The following SMAD1 variants were observed in gnomAD, a reference collection of about 807,000 sequenced individuals.
SMAD1 encodes SMAD family member 1, also known as MAD, mothers against decapentaplegic homolog 1.
Under a neutral mutation model 41.6 loss-of-function variants are expected in SMAD1, and 6 were observed. The observed-to-expected ratio is 0.14, with a 90% CI of 0.08 to 0.28. The LOEUF (loss-of-function observed/expected upper bound fraction) is 0.28, where lower values mean the gene tolerates loss of function less well. Ranked by LOEUF, SMAD1 falls within the 10% of genes least tolerant of loss-of-function variation. The probability of loss-of-function intolerance (pLI) is 1.00; values close to 1 mark genes in which losing one functional copy is unlikely to be tolerated. For synonymous variants in SMAD1, 206 were observed against 203.2 expected (o/e 1.01, Z -0.12); for missense variants, 379 against 582.6 (o/e 0.65, Z 3.60).
intron 2 of SMAD1, among the ~76,000 whole-genome samples, chr4:145,535,154 T>C (rs1031994583): frequency 3.9e-5 from 6 of 152,112 alleles, no homozygotes; most frequent in African/African-American, 1.2e-4. Context: ...TGCACCAAAA[T>C]GTCATTTGTC....
At chr4:145,544,993 T>A (rs886083881) in intron 4 of SMAD1, 2 of 152,164 alleles carry the variant, frequency 1.3e-5, no homozygotes, top group African/African-American at 4.8e-5. Context: ...TCCTTTATAG[T>A]TTATAGTCAG....
At chr4:145,506,276 AT>A (rs1729773786) in intron 1 of SMAD1, among the ~76,000 whole-genome samples, 1 of 152,166 alleles carries the variant, frequency 6.6e-6, no homozygotes, top group Non-Finnish European at 1.5e-5. Flanking sequence ...TTGTGCCATG[AT>A]TTTTTACTAT....
chr4:145,525,435 G>A (rs945798139), intron 2 of SMAD1, among the ~76,000 whole-genome samples: 1 of 152,240 alleles, frequency 6.6e-6, no homozygotes, highest in Non-Finnish European at 1.5e-5. Context: ...TGGAGCAGCT[G>A]TAGGGTGGAT....
At chr4:145,557,374 G>A (rs1560769879) in intron 6 of SMAD1, among the ~76,000 whole-genome samples, 1 of 152,194 alleles carries the variant, frequency 6.6e-6, no homozygotes, top group African/African-American at 2.4e-5. Context: ...GCTGAATAGG[G>A]AAGAAATTGA....
At chr4:145,537,115 A>G (rs1392122871) in intron 2 of SMAD1, among the ~76,000 whole-genome samples, 1 of 152,216 alleles carries the variant, frequency 6.6e-6, no homozygotes, top group Non-Finnish European at 1.5e-5. Flanking sequence ...GAAGTACAAT[A>G]TGTGATTCTA....
intron 2 of SMAD1, among the ~76,000 whole-genome samples, chr4:145,516,177 C>T (rs935289325): frequency 2.6e-5 from 4 of 152,204 alleles, no homozygotes; most frequent in South Asian, 2.1e-4. Context: ...CTGAATCTGA[C>T]GCTTATCATT....
At position 145,506,235 on chromosome 4, in the gene SMAD1, T is replaced by C. The variant is rs374760109; in HGVS notation, c.-176-8203T>C. On this transcript the variant is annotated intron_variant, in intron 1 of 6. Transcript: ENST00000302085. The stretch of plus-strand genomic sequence containing the variant: ...TTCAAAGTGAAGTTAATCAATACCC[T>C]GTACTTTTAGTTCCTTAATTCTTTT... Among the ~76,000 whole-genome samples the C allele has an allele frequency of 3.7e-4, 56 of 152,364 alleles. 1 individual carries two copies. The South Asian group carries it at 0.011, about 31-fold the overall frequency.
In SMAD1 at chr4:145,495,337, T is replaced by TA. The variant is rs1275932138; in HGVS notation, c.-177+13300dup. Among the ~76,000 whole-genome samples, 23 of 152,330 alleles carry TA rather than the reference T, an allele frequency of 1.5e-4. No homozygotes were observed. The East Asian group carries it at 4.4e-3, about 29-fold the overall frequency. On this transcript the variant is annotated intron_variant, in intron 1 of 6. Coordinates refer to ENST00000302085, the MANE Select transcript of SMAD1 (RefSeq NM_005900.3). The stretch of plus-strand genomic sequence containing the variant: ...TTATCTTCCCACTTTCCTTACCCCT[T>TA]ACCACAAATCCTTCAGAGTCCAGAG...
chr4:145,489,525 T>C lies in SMAD1; in HGVS notation c.-177+7487T>C, dbSNP rs139632358. On this transcript the variant is annotated intron_variant, in intron 1 of 6. Transcript: ENST00000302085. The stretch of plus-strand genomic sequence containing the variant: ...CATGAAGGCTTGGTGATTATGTGGC[T>C]ATAAAGTAATGAGAAAGAGATGTCG... Among the ~76,000 whole-genome samples the C allele has an allele frequency of 8.5e-4, 130 of 152,322 alleles. 1 individual carries two copies. In the East Asian group the frequency reaches 0.02, roughly 24 times the overall value.
chr4:145,500,890 A>G (rs1311390423), intron 1 of SMAD1, among the ~76,000 whole-genome samples: 1 of 152,194 alleles, frequency 6.6e-6, no homozygotes. Context: ...TTTCATGTTT[A>G]TATTTAATCT....
intron 2 of SMAD1, among the ~76,000 whole-genome samples, chr4:145,515,442 G>A (rs570732584): frequency 5.9e-5 from 9 of 152,228 alleles, no homozygotes; most frequent in African/African-American, 2.2e-4. Flanking sequence ...CTGTCTATAT[G>A]CTTAAGGGAA....
chr4:145,541,722 G>A (rs915738148), intron 3 of SMAD1, among the ~76,000 whole-genome samples: 6 of 152,104 alleles, frequency 3.9e-5, no homozygotes, highest in African/African-American at 7.2e-5. Context: ...GAGTGGTCTC[G>A]ATTACTTATC....
At chr4:145,523,413 A>G (rs1012930392) in intron 2 of SMAD1, among the ~76,000 whole-genome samples, 4 of 152,232 alleles carry the variant, frequency 2.6e-5, no homozygotes, top group African/African-American at 9.6e-5. Flanking sequence ...TGCAGAAAGG[A>G]CTTAAATCAG....
At chr4:145,526,194 A>G (rs1731008143) in intron 2 of SMAD1, among the ~76,000 whole-genome samples, 1 of 152,260 alleles carries the variant, frequency 6.6e-6, no homozygotes, top group Non-Finnish European at 1.5e-5. Flanking sequence ...AAGTAAAAGA[A>G]GAGTGATTTT....
rs1182470055 is a variant in SMAD1 at position 145,518,489 on chromosome 4, CA to C, written c.400+3488del. Among the ~76,000 whole-genome samples, 541 of 83,968 alleles carry C rather than the reference CA, an allele frequency of 6.4e-3. 116 individuals carry two copies. The highest frequency in any genetic ancestry group is 0.017 in the East Asian group (72 of 4,190). 55.1% of individuals were successfully genotyped at this position (83,968 alleles called of 152,430 possible). A position where few individuals can be genotyped will look rare whatever the true frequency, so the allele number is the denominator to read the frequency against. ...GGGGGACAAGAGTGAAACTCCATCT[CA>C]AAAAAAAAAAATAAAAATGTGCAAG... On this transcript the variant is annotated intron_variant, in intron 2 of 6. Coordinates refer to ENST00000302085, the MANE Select transcript of SMAD1 (RefSeq NM_005900.3).
rs768015552 is a variant in SMAD1, at chr4:145,542,645, C to T, written c.722C>T (p.Pro241Leu). 1.9e-5 allele frequency: 31 copies of T among 1,613,544 alleles called. No homozygotes were observed. Among genetic ancestry groups the T allele is most frequent in the East Asian group, 1.1e-4 (5 of 44,856 alleles). ...EDPMTQDGSQ[P>L]MDTNMMAPPL... ...CCCATGACCCAGGATGGCTCTCAGC[C>T]GATGGACACAAACATGATGGCGCCT... The change falls in exon 4 of 7, where the codon CCG becomes CTG. Residue 241 changes from proline to leucine, a missense_variant. Pro to Leu is a moderately conservative substitution (Grantham distance 98). Around this residue, in one of 3 missense-constraint regions of SMAD1, gnomAD observed 208 missense variants for 210.5 expected, o/e 0.99. Transcript: ENST00000302085.
At chr4:145,543,162 T>A (rs1388995744) in intron 4 of SMAD1, among the ~76,000 whole-genome samples, 1 of 152,174 alleles carries the variant, frequency 6.6e-6, no homozygotes, top group Non-Finnish European at 1.5e-5. Context: ...AGACAGGGTT[T>A]CACCATGTTG....
intron 1 of SMAD1, among the ~76,000 whole-genome samples, chr4:145,512,037 A>AT (rs1730108356): frequency 6.6e-6 from 1 of 152,234 alleles, no homozygotes. Flanking sequence ...TAAATGTAGA[A>AT]TTTTAAGTTA....
intron 4 of SMAD1, chr4:145,545,457 CAA>C (rs1732191397): frequency 6.6e-6 from 1 of 151,962 alleles, no homozygotes. Flanking sequence ...AGTTGCTTAG[CAA>C]GCAGGGAAGA....
Sources: gnomAD v4.1 joint callset for allele counts (sites outside exome capture counted in the v4.1 genomes callset) on GRCh38, gnomAD v4.1.1 for gene constraint, gnomAD v4.1.1 regional missense constraint, MANE v1.5 for transcripts, NCBI Gene and HGNC (gene_info 2026-07-23, HGNC 2026-07-21) for gene names.